The following CDH10 variants were observed in gnomAD, a reference collection of about 807,000 sequenced individuals.
The protein encoded by CDH10 is cadherin-10.
CDH10 carries 30 observed loss-of-function variants against 73.1 expected under a neutral mutation model. The observed-to-expected ratio is 0.41, with a 90% confidence interval of 0.31 to 0.56. The LOEUF is 0.56. Among genes scored for constraint, CDH10 ranks in the 20% least tolerant of loss-of-function variants. The probability of loss-of-function intolerance (pLI) is 0.27; values close to 1 mark genes in which losing one functional copy is unlikely to be tolerated. For synonymous variants in CDH10, 345 were observed against 348.2 expected (o/e 0.99, Z 0.10); for missense variants, 815 against 973.7 (o/e 0.84, Z 2.17).
intron 5 of CDH10, among the ~76,000 whole-genome samples, chr5:24,518,464 T>C (rs983827590): frequency 1.3e-5 from 2 of 152,138 alleles, no homozygotes; most frequent in African/African-American, 2.4e-5. Context: ...TACATGCATA[T>C]ACATAAATAC....
rs190835379 is a variant in CDH10 at position 24,635,097 on chromosome 5, A to C, written c.-124+9497T>G. On this transcript the variant is annotated intron_variant, in intron 1 of 11. Transcript: ENST00000264463. ...AAGAATGATCTAAATAAAACCTGTT[A>C]AATTTTTCACATTTTGCAGCAGGTT... Among the ~76,000 whole-genome samples the C allele has an allele frequency of 1.8e-3, 274 of 151,946 alleles. 2 individuals are homozygous for C. Among genetic ancestry groups the C allele is most frequent in the African/African-American group, 6.4e-3 (267 of 41,510 alleles).
chr5:24,609,218 T>C (rs1464650524), intron 1 of CDH10, among the ~76,000 whole-genome samples: 1 of 152,094 alleles, frequency 6.6e-6, no homozygotes, highest in Admixed American at 6.5e-5. Flanking sequence ...GGGAAATAAA[T>C]AGAATGCAGA....
chr5:24,624,522 G>A (rs1356543302), intron 1 of CDH10, among the ~76,000 whole-genome samples: 2 of 152,112 alleles, frequency 1.3e-5, no homozygotes, highest in African/African-American at 2.4e-5. Context: ...TTCCGTGTCA[G>A]AATATGAAAT....
intron 5 of CDH10, among the ~76,000 whole-genome samples, chr5:24,516,586 T>C (rs1181743118): frequency 6.6e-6 from 1 of 152,024 alleles, no homozygotes; most frequent in Admixed American, 6.6e-5. Flanking sequence ...TAGATCAGTA[T>C]AGATTCAAAA....
chr5:24,561,441 T>C (rs1561164211), intron 2 of CDH10, among the ~76,000 whole-genome samples: 1 of 152,124 alleles, frequency 6.6e-6, no homozygotes. Context: ...TTTCTAGCAA[T>C]GTTACAGTAA....
In CDH10 at chr5:24,520,280, G is replaced by A. The variant is rs760145354; in HGVS notation, c.815-8766C>T. 5.9e-4 allele frequency among the ~76,000 whole-genome samples: 90 copies of A among 152,132 alleles called. 1 individual carries two copies. The highest frequency in any genetic ancestry group is 9.8e-4 in the Admixed American group (15 of 15,260). On this transcript the variant is annotated intron_variant, in intron 5 of 11. Coordinates refer to ENST00000264463, the MANE Select transcript of CDH10 (RefSeq NM_006727.5). ...TCATTGTATAATCACACATCTCAATGTAATATAAAAGCAAAAAATGTGAGC... is the reference window on the plus strand; with the variant it reads ...TCATTGTATAATCACACATCTCAATATAATATAAAAGCAAAAAATGTGAGC...
chr5:24,517,528 T>C (rs1056859400), intron 5 of CDH10, among the ~76,000 whole-genome samples: 3 of 152,210 alleles, frequency 2.0e-5, no homozygotes, highest in Admixed American at 2.0e-4. Flanking sequence ...GAAAATTTGA[T>C]AATCAATAGG....
At chr5:24,568,718 A>T (rs1375359372) in intron 2 of CDH10, among the ~76,000 whole-genome samples, 1 of 152,144 alleles carries the variant, frequency 6.6e-6, no homozygotes, top group Non-Finnish European at 1.5e-5. Flanking sequence ...AGCATTATTA[A>T]CTATAGCCAA....
At chr5:24,490,639 A>G (rs1021230361) in intron 11 of CDH10, among the ~76,000 whole-genome samples, 1 of 152,144 alleles carries the variant, frequency 6.6e-6, no homozygotes, top group Non-Finnish European at 1.5e-5. Flanking sequence ...TAAGTCAAAT[A>G]AAGAACGTGG....
intron 1 of CDH10, among the ~76,000 whole-genome samples, chr5:24,616,188 G>T (rs1561197822): frequency 6.6e-6 from 1 of 151,734 alleles, no homozygotes; most frequent in East Asian, 1.9e-4. Flanking sequence ...TCTAGCCTTG[G>T]CAAACAAAGT....
At chr5:24,549,551 CTTT>C (rs56094828) in intron 2 of CDH10, among the ~76,000 whole-genome samples, 1 of 133,482 alleles carries the variant, frequency 7.5e-6, no homozygotes, top group Admixed American at 7.7e-5. Context: ...AATGGAATGA[CTTT>C]TTTTTTTTTT....
At chr5:24,548,831 AG>A in intron 2 of CDH10, among the ~76,000 whole-genome samples, 1 of 152,104 alleles carries the variant, frequency 6.6e-6, no homozygotes, top group African/African-American at 2.4e-5. Flanking sequence ...CATGCAAAAA[AG>A]CACAATTAGG....
At chr5:24,613,519 T>TG (rs1456481504) in intron 1 of CDH10, among the ~76,000 whole-genome samples, 140 of 41,228 alleles carry the variant, frequency 3.4e-3, no homozygotes, top group African/African-American at 7.7e-3. Context: ...TCCTCTTTGC[T>TG]GGGAAAAAAA....
intron 8 of CDH10, among the ~76,000 whole-genome samples, chr5:24,501,937 T>TG (rs1329288904): frequency 1.3e-5 from 2 of 151,952 alleles, no homozygotes; most frequent in Admixed American, 1.3e-4. Flanking sequence ...TTTTTTTTTT[T>TG]AGAGGGAATC....
chr5:24,616,381 A>G (rs2112157024), intron 1 of CDH10, among the ~76,000 whole-genome samples: 1 of 152,304 alleles, frequency 6.6e-6, no homozygotes, highest in South Asian at 2.1e-4. Flanking sequence ...TTTACATTGT[A>G]GGAAAGAACA....
chr5:24,519,460 T>A (rs958824988), intron 5 of CDH10, among the ~76,000 whole-genome samples: 1 of 152,016 alleles, frequency 6.6e-6, no homozygotes. Flanking sequence ...AAGAAGATAG[T>A]TTCAGCACAC....
chr5:24,530,498 G>A (rs1505892), intron 5 of CDH10, among the ~76,000 whole-genome samples: 54,373 of 151,566 alleles, frequency 0.36, 11,904 homozygotes, highest in East Asian at 0.58. Context: ...GGGGTAAACA[G>A]GACTAAAAAT....
intron 2 of CDH10, among the ~76,000 whole-genome samples, chr5:24,553,232 GAGA>G (rs5866670): frequency 0.66 from 100,063 of 151,656 alleles, 33,114 homozygotes; most frequent in East Asian, 0.76. Flanking sequence ...GAAGCTTGTA[GAGA>G]AGCTTTTGTT....
Position 24,611,351 on chromosome 5 carries a change from G to A in CDH10, c.-123-17738C>T, listed in dbSNP as rs954421159. On this transcript the variant is annotated intron_variant, in intron 1 of 11. Coordinates refer to ENST00000264463, the MANE Select transcript of CDH10 (RefSeq NM_006727.5). ...GGCTGTAACCCTAACAATTTGGGAGGTGAGAGGATCGCTTGACACCAAGAG... is the reference window on the plus strand; with the variant it reads ...GGCTGTAACCCTAACAATTTGGGAGATGAGAGGATCGCTTGACACCAAGAG... Among the ~76,000 whole-genome samples the A allele has an allele frequency of 3.9e-5, 6 of 152,030 alleles. No homozygotes were observed. In the South Asian group the frequency reaches 8.3e-4, roughly 21 times the overall value.
Sources: allele counts gnomAD v4.1 joint callset (sites outside exome capture counted in the v4.1 genomes callset), GRCh38; gene constraint gnomAD v4.1.1; transcripts MANE v1.5; gene names NCBI Gene and HGNC (gene_info 2026-07-23, HGNC 2026-07-21).